The following LPP variants were observed in gnomAD, a reference collection of about 807,000 sequenced individuals.
The protein encoded by LPP is LIM domain containing preferred translocation partner in lipoma.
A neutral mutation model predicts 60.4 loss-of-function variants in LPP; 38 were observed. The ratio of observed to expected loss-of-function variants is 0.63; its 90% CI spans 0.49 to 0.83. The LOEUF (loss-of-function observed/expected upper bound fraction) is 0.83, where lower values mean the gene tolerates loss of function less well. LPP is among the 40% of genes least tolerant of loss of function. The pLI is 0.00. For missense variants in LPP, 902 were observed against 783.6 expected, an observed-to-expected ratio of 1.15 and a Z score of -1.80; for synonymous variants, 328 against 290.8, an observed-to-expected ratio of 1.13 and a Z score of -1.30.
intron 8 of LPP, among the ~76,000 whole-genome samples, chr3:188,742,737 G>T (rs1487159203): frequency 6.6e-6 from 1 of 152,128 alleles, no homozygotes; most frequent in African/African-American, 2.4e-5. Flanking sequence ...CCTGGTAATG[G>T]AGGCAGTTAC....
At chr3:188,340,210 T>C (rs545092714) in intron 2 of LPP, among the ~76,000 whole-genome samples, 4 of 152,182 alleles carry the variant, frequency 2.6e-5, no homozygotes, top group Admixed American at 6.5e-5. Flanking sequence ...TCTTTGAAGT[T>C]TGGTTTTTGT....
intron 5 of LPP, among the ~76,000 whole-genome samples, chr3:188,488,066 G>C (rs1045549696): frequency 2.7e-5 from 4 of 150,906 alleles, no homozygotes; most frequent in Non-Finnish European, 5.9e-5. Context: ...CCCAAGAAGG[G>C]ATGGATCCTC....
chr3:188,404,701 A>C (rs936642387), intron 3 of LPP, among the ~76,000 whole-genome samples: 18 of 152,144 alleles, frequency 1.2e-4, no homozygotes, highest in Admixed American at 3.9e-4. Context: ...CCATGTACTG[A>C]GGCCTTTGAT....
chr3:188,297,108 A>G (rs764188236), intron 2 of LPP, among the ~76,000 whole-genome samples: 6 of 152,252 alleles, frequency 3.9e-5, no homozygotes, highest in Non-Finnish European at 8.8e-5. Flanking sequence ...AACCAGGGGC[A>G]GTTTCCTGAG....
chr3:188,480,726 G>A (rs549481566), intron 4 of LPP, among the ~76,000 whole-genome samples: 190 of 152,324 alleles, frequency 1.2e-3, no homozygotes, highest in Non-Finnish European at 2.4e-3. Context: ...AATCTGGGAG[G>A]TGAGTTGCAA....
chr3:188,344,128 C>T (rs1276214379), intron 3 of LPP, among the ~76,000 whole-genome samples: 1 of 152,186 alleles, frequency 6.6e-6, no homozygotes, highest in Non-Finnish European at 1.5e-5. Context: ...GAACAGGCTT[C>T]TGGCCTCTTG....
chr3:188,714,048 C>T (rs1712763323), intron 8 of LPP, among the ~76,000 whole-genome samples: 1 of 152,078 alleles, frequency 6.6e-6, no homozygotes, highest in South Asian at 2.1e-4. Flanking sequence ...GACTGGCAGA[C>T]CTGGCGATGA....
chr3:188,213,407 GC>G (rs1712086447), intron 1 of LPP, among the ~76,000 whole-genome samples: 1 of 152,126 alleles, frequency 6.6e-6, no homozygotes, highest in South Asian at 2.1e-4. Context: ...AAGACAGATG[GC>G]TCATTATGTG....
intron 7 of LPP, among the ~76,000 whole-genome samples, chr3:188,672,995 T>C (rs1857258033): frequency 6.6e-6 from 1 of 151,870 alleles, no homozygotes; most frequent in Non-Finnish European, 1.5e-5. Flanking sequence ...AGCACTCGTG[T>C]ACTGAGAATC....
chr3:188,189,997 TA>T (rs1368685929), intron 1 of LPP, among the ~76,000 whole-genome samples: 2 of 151,634 alleles, frequency 1.3e-5, no homozygotes, highest in South Asian at 2.1e-4. Context: ...AAATGGCCAA[TA>T]TTTTTTTTAC....
At chr3:188,759,145 A>T (rs1469121063) in intron 8 of LPP, 1 of 152,250 alleles carries the variant, frequency 6.6e-6, no homozygotes, top group Non-Finnish European at 1.5e-5. Context: ...AGAGATATGG[A>T]TGGCAACCAG....
At chr3:188,386,699 G>A (rs142191553) in intron 3 of LPP, among the ~76,000 whole-genome samples, 5 of 152,120 alleles carry the variant, frequency 3.3e-5, no homozygotes, top group Non-Finnish European at 7.4e-5. Context: ...TCTATTAAAT[G>A]AACCTTTAAC....
intron 9 of LPP, among the ~76,000 whole-genome samples, chr3:188,831,240 A>C (rs926550025): frequency 6.6e-6 from 1 of 152,212 alleles, no homozygotes; most frequent in Non-Finnish European, 1.5e-5. Flanking sequence ...ACATGATGAC[A>C]CCACTATAAG....
At chr3:188,406,458 C>T (rs1165404521) in intron 4 of LPP, 145 bp downstream of exon 4, 3 of 731,998 alleles carry the variant, frequency 4.1e-6, no homozygotes, top group Non-Finnish European at 6.6e-6. Context: ...AAAGGAGCCC[C>T]CGGAAATAGT....
chr3:188,639,965 C>G (rs1276829317), intron 7 of LPP, among the ~76,000 whole-genome samples: 1 of 152,132 alleles, frequency 6.6e-6, no homozygotes, highest in East Asian at 1.9e-4. Context: ...TGTGGCAATA[C>G]CTCAGGGATC....
At chr3:188,269,674 TG>T (rs1360486787) in intron 2 of LPP, among the ~76,000 whole-genome samples, 4 of 151,558 alleles carry the variant, frequency 2.6e-5, no homozygotes, top group African/African-American at 7.3e-5. Context: ...TGTGTGTGTG[TG>T]TGTGTCACTC....
At chr3:188,656,304 C>T (rs1853204522) in intron 7 of LPP, among the ~76,000 whole-genome samples, 1 of 152,034 alleles carries the variant, frequency 6.6e-6, no homozygotes, top group Non-Finnish European at 1.5e-5. Context: ...ACAAACCTGA[C>T]TGCCTCCTTC....
intron 7 of LPP, among the ~76,000 whole-genome samples, chr3:188,666,882 A>C (rs796583516): frequency 3.9e-5 from 6 of 152,290 alleles, no homozygotes; most frequent in African/African-American, 1.4e-4. Context: ...TCTTCCACCT[A>C]CCATCCCCAT....
intron 8 of LPP, among the ~76,000 whole-genome samples, chr3:188,720,369 G>T (rs1715836147): frequency 6.6e-6 from 1 of 152,162 alleles, no homozygotes; most frequent in Non-Finnish European, 1.5e-5. Context: ...CAAGGGCTTT[G>T]ATAGAGAACA....
Sources: gnomAD v4.1 joint callset for allele counts (sites outside exome capture counted in the v4.1 genomes callset) on GRCh38, gnomAD v4.1.1 for gene constraint, MANE v1.5 for transcripts, NCBI Gene and HGNC (gene_info 2026-07-23, HGNC 2026-07-21) for gene names.